Variants in B3GALT5 observed in about 807,000 individuals in gnomAD.
B3GALT5 encodes the protein UDP-Gal:betaGlcNAc beta 1,3-galactosyltransferase, polypeptide 5.
For synonymous variants in B3GALT5, 156 were observed against 158.6 expected (o/e 0.98, Z 0.12); for missense variants, 328 against 396.6 (o/e 0.83, Z 1.47).
intron 1 of B3GALT5, among the ~76,000 whole-genome samples, chr21:39,625,768 A>G (rs538381717): frequency 6.6e-6 from 1 of 152,194 alleles, no homozygotes; most frequent in South Asian, 2.1e-4. Flanking sequence ...GCCTCCACCT[A>G]CAGAGAGAAC....
In B3GALT5 at chr21:39,670,291, C is replaced by G. The variant is rs1195732456; in HGVS notation, c.*8799C>G. ...AGATCTGAGGCTCTAATTAGAGATA[C>G]CATGCTCAGTGGAAGCTGGTTCTGA... On this transcript the variant is annotated 3_prime_UTR_variant, in exon 4 of 4. Transcript: ENST00000684187. 2.6e-5 allele frequency: 4 copies of G among 151,990 alleles called. No individual in the cohort carries two copies. The highest frequency in any genetic ancestry group is 5.9e-5 in the Non-Finnish European group (4 of 68,106). 9.4% of individuals were successfully genotyped at this position (151,990 alleles called of 1,614,324 possible). A position where few individuals can be genotyped will look rare whatever the true frequency, so the allele number is the denominator to read the frequency against.
rs1284952953 is a variant in B3GALT5 at position 39,673,103 on chromosome 21, G to A, written c.*11611G>A. ...CAGATTGGCTCCTCGATCTTTCAAA[G>A]TGTCATTTAAATGGAAATAAATGTC... On this transcript the variant is annotated 3_prime_UTR_variant, in exon 4 of 4. Coordinates refer to ENST00000684187, the MANE Select transcript of B3GALT5 (RefSeq NM_001356336.2). This position sits in a 1 kb window ranked among gnomAD's most constrained non-coding sequence, Gnocchi z 5.2. The A allele has an allele frequency of 6.6e-6, 1 of 152,204 alleles. No individual in the cohort carries two copies. Among genetic ancestry groups the A allele is most frequent in the Non-Finnish European group, 1.5e-5 (1 of 68,044 alleles). The allele number at this position is 152,204 out of a possible 1,614,324, so 9.4% of individuals were successfully genotyped here.
In B3GALT5 at chr21:39,667,273, G is replaced by A. The variant is rs182542283; in HGVS notation, c.*5781G>A. On this transcript the variant is annotated 3_prime_UTR_variant, in exon 4 of 4. Transcript: ENST00000684187. Reference sequence around the variant, plus strand: ...ATTTCCAACTCCCGCCGGGCACCGGGTGCTGCACCGGTTATCCCAACAGGC... The same window carrying A: ...ATTTCCAACTCCCGCCGGGCACCGGATGCTGCACCGGTTATCCCAACAGGC... The A allele has an allele frequency of 1.3e-5, 2 of 152,350 alleles. No homozygotes were observed. Among genetic ancestry groups the A allele is most frequent in the African/African-American group, 2.4e-5 (1 of 41,578 alleles). 9.4% of individuals were successfully genotyped at this position (152,350 alleles called of 1,614,324 possible). A position where few individuals can be genotyped will look rare whatever the true frequency, so the allele number is the denominator to read the frequency against.
At chr21:39,654,677 C>T (rs561214808) in intron 2 of B3GALT5, among the ~76,000 whole-genome samples, 6 of 152,234 alleles carry the variant, frequency 3.9e-5, no homozygotes, top group Admixed American at 3.9e-4. Context: ...TCATTGTTGT[C>T]GTATTTTAAG....
rs1213669228 is a variant in B3GALT5 at position 39,639,452 on chromosome 21, CTTTT to C, written c.-391-6936_-391-6933del. Among the ~76,000 whole-genome samples, 379 of 118,938 alleles carry C rather than the reference CTTTT, an allele frequency of 3.2e-3. 7 individuals carry two copies. Among genetic ancestry groups the C allele is most frequent in the Middle Eastern group, 0.012 (3 of 250 alleles). 78.0% of individuals were successfully genotyped at this position (118,938 alleles called of 152,430 possible). A position where few individuals can be genotyped will look rare whatever the true frequency, so the allele number is the denominator to read the frequency against. On this transcript the variant is annotated intron_variant, in intron 1 of 3. Transcript: ENST00000684187. ...TCTTTCTTTCTTTCTTTCTTTCTTT[CTTTT>C]TTTCTTTCTCTCTCTCTCTCTCTTT...
rs955258535 is a variant in B3GALT5 at position 39,613,007 on chromosome 21, C to A, written c.-452C>A. ...CCCCCTGCGTCCGCGGGCCGGGATGCGGCTCTGAGCCAGCGGCGGCTTCCA... is the reference window on the plus strand; with the variant it reads ...CCCCCTGCGTCCGCGGGCCGGGATGAGGCTCTGAGCCAGCGGCGGCTTCCA... On this transcript the variant is annotated 5_prime_UTR_variant, in exon 1 of 4. Transcript: ENST00000684187. The A allele has an allele frequency of 6.6e-6, 1 of 151,480 alleles. No homozygotes were observed. The highest frequency in any genetic ancestry group is 1.5e-5 in the Non-Finnish European group (1 of 67,868). The allele number at this position is 151,480 out of a possible 1,614,324, so 9.4% of individuals were successfully genotyped here. A position where few individuals can be genotyped will look rare whatever the true frequency, so the allele number is the denominator to read the frequency against.
At chr21:39,619,688 G>A (rs2074743438) in intron 1 of B3GALT5, among the ~76,000 whole-genome samples, 1 of 152,170 alleles carries the variant, frequency 6.6e-6, no homozygotes, top group South Asian at 2.1e-4. Context: ...TTGTCATGAT[G>A]TATTTTGTTT....
intron 2 of B3GALT5, among the ~76,000 whole-genome samples, chr21:39,650,037 A>G (rs1213987137): frequency 6.6e-6 from 1 of 152,076 alleles, no homozygotes; most frequent in Non-Finnish European, 1.5e-5. Context: ...GAACCCCGCA[A>G]AGATTTGTCG....
chr21:39,642,834 G>C (rs1259253875), intron 1 of B3GALT5, among the ~76,000 whole-genome samples: 1 of 141,664 alleles, frequency 7.1e-6, no homozygotes, highest in Non-Finnish European at 1.5e-5. Flanking sequence ...CCAGGAGTTA[G>C]AGAACAGACT....
chr21:39,620,559 A>G (rs1392471949), intron 1 of B3GALT5, among the ~76,000 whole-genome samples: 1 of 152,184 alleles, frequency 6.6e-6, no homozygotes, highest in Non-Finnish European at 1.5e-5. Context: ...GAAGTTACGC[A>G]AAGCATGTGG....
At chr21:39,650,012 C>T (rs769092678) in intron 2 of B3GALT5, among the ~76,000 whole-genome samples, 2 of 152,144 alleles carry the variant, frequency 1.3e-5, no homozygotes, top group Non-Finnish European at 2.9e-5. Context: ...CTGCTTGGCT[C>T]ATGCTGTGAA....
intron 2 of B3GALT5, among the ~76,000 whole-genome samples, chr21:39,647,060 C>G (rs1038761990): frequency 6.6e-6 from 1 of 152,060 alleles, no homozygotes; most frequent in Admixed American, 6.6e-5. Context: ...AAGATGGCGC[C>G]TCCGCACTCC....
At chr21:39,633,397 G>A (rs1380016926) in intron 1 of B3GALT5, among the ~76,000 whole-genome samples, 1 of 152,154 alleles carries the variant, frequency 6.6e-6, no homozygotes, top group Admixed American at 6.5e-5. Context: ...TGTACAAGAT[G>A]GTTAACAGAA....
Position 39,669,399 on chromosome 21 carries a change from G to C in B3GALT5, c.*7907G>C, listed in dbSNP as rs150712922. On this transcript the variant is annotated 3_prime_UTR_variant, in exon 4 of 4. Transcript: ENST00000684187. Reference sequence around the variant, plus strand: ...AGCTGGCATCAGAAATCCCATGTCAGACATTCATTCGTTTATTTATTCATC... The same window carrying C: ...AGCTGGCATCAGAAATCCCATGTCACACATTCATTCGTTTATTTATTCATC... The C allele has an allele frequency of 6.6e-6, 1 of 152,260 alleles. No homozygotes were observed. Among genetic ancestry groups the C allele is most frequent in the East Asian group, 1.9e-4 (1 of 5,182 alleles). The allele number at this position is 152,260 out of a possible 1,614,324, so 9.4% of individuals were successfully genotyped here. A position where few individuals can be genotyped will look rare whatever the true frequency, so the allele number is the denominator to read the frequency against.
Position 39,664,008 on chromosome 21 carries a change from G to C in B3GALT5, c.*2516G>C, listed in dbSNP as rs1280277397. 1.3e-5 allele frequency: 2 copies of C among 152,504 alleles called. No homozygotes were observed. Among genetic ancestry groups the C allele is most frequent in the African/African-American group, 4.8e-5 (2 of 41,468 alleles). 9.4% of individuals were successfully genotyped at this position (152,504 alleles called of 1,614,324 possible). A position where few individuals can be genotyped will look rare whatever the true frequency, so the allele number is the denominator to read the frequency against. ...CAGAGAGGAAGGATTCCGATGGGCA[G>C]GTGCTGAGCTAGGGGCTGTGTAGGT... On this transcript the variant is annotated 3_prime_UTR_variant, in exon 4 of 4. Transcript: ENST00000684187.
chr21:39,641,503 T>C (rs1249446596), intron 1 of B3GALT5, among the ~76,000 whole-genome samples: 1 of 152,258 alleles, frequency 6.6e-6, no homozygotes, highest in African/African-American at 2.4e-5. Context: ...TTATAGTCCA[T>C]GTAATGCTTG....
At chr21:39,629,273 C>A (rs1010153925) in intron 1 of B3GALT5, among the ~76,000 whole-genome samples, 1 of 152,210 alleles carries the variant, frequency 6.6e-6, no homozygotes, top group Admixed American at 6.5e-5. Flanking sequence ...CCTCAGCCCT[C>A]CAAAGTGCTG....
intron 1 of B3GALT5, among the ~76,000 whole-genome samples, chr21:39,640,373 T>C (rs79974474): frequency 2.6e-5 from 4 of 152,156 alleles, no homozygotes; most frequent in African/African-American, 9.7e-5. Context: ...AGTTGCATCC[T>C]TCCCTGCTCC....
At chr21:39,645,974 G>A (rs2079334925) in intron 1 of B3GALT5, among the ~76,000 whole-genome samples, 1 of 150,910 alleles carries the variant, frequency 6.6e-6, no homozygotes, top group African/African-American at 2.4e-5. Context: ...CCCAGCACAG[G>A]TGGGATATCT....
Sources: gnomAD v4.1 joint callset for allele counts (sites outside exome capture counted in the v4.1 genomes callset) on GRCh38, gnomAD v4.1.1 for gene constraint, Gnocchi (gnomAD v3.1) non-coding constraint, MANE v1.5 for transcripts, NCBI Gene and HGNC (gene_info 2026-07-23, HGNC 2026-07-21) for gene names.